The following PDE8B variants were observed in gnomAD, a reference collection of about 807,000 sequenced individuals.
PDE8B encodes the protein high affinity cAMP-specific and IBMX-insensitive 3',5'-cyclic phosphodiesterase 8B.
A neutral mutation model predicts 101.3 loss-of-function variants in PDE8B; 26 were observed. The ratio of observed to expected loss-of-function variants is 0.26; its 90% CI spans 0.19 to 0.36. PDE8B has a LOEUF of 0.36. Ranked by LOEUF, PDE8B falls within the 10% of genes least tolerant of loss-of-function variation. PDE8B has a pLI of 1.00. For synonymous variants in PDE8B, 424 were observed against 429.3 expected, an observed-to-expected ratio of 0.99 and a Z score of 0.15; for missense variants, 810 against 1,163.1, an observed-to-expected ratio of 0.70 and a Z score of 4.42.
chr5:77,422,120 C>T, intron 20 of PDE8B, 132 bp downstream of exon 20: 1 of 979,740 alleles, frequency 1.0e-6, no homozygotes, highest in Non-Finnish European at 1.6e-6. Flanking sequence ...AAGAAAGCAG[C>T]TTACCCCCAC....
the PDE8B span, among the ~76,000 whole-genome samples, chr5:77,179,851 G>A: frequency 3.9e-5 from 6 of 152,088 alleles, no homozygotes; most frequent in South Asian, 1.0e-3. Context: ...CTGAGCCACC[G>A]CGCCCAGGAG....
At chr5:77,124,980 C>T in the PDE8B span, among the ~76,000 whole-genome samples, 7 of 152,038 alleles carry the variant, frequency 4.6e-5, no homozygotes, top group African/African-American at 1.7e-4. Context: ...AGGATTTTCA[C>T]GTTGTTTTGT....
intron 7 of PDE8B, among the ~76,000 whole-genome samples, chr5:77,348,007 T>G (rs1780453141): frequency 6.6e-6 from 1 of 152,082 alleles, no homozygotes; most frequent in Non-Finnish European, 1.5e-5. Flanking sequence ...TGGAGATCCA[T>G]GAAGACAATA....
At chr5:77,180,540 G>A in the PDE8B span, 630 of 959,928 alleles carry the variant, frequency 6.6e-4, 2 homozygotes, top group African/African-American at 7.9e-3. Flanking sequence ...CTCACACCTG[G>A]GTACCCGGCC....
the PDE8B span, among the ~76,000 whole-genome samples, chr5:77,129,337 C>T: frequency 2.0e-5 from 3 of 152,036 alleles, no homozygotes; most frequent in Admixed American, 6.6e-5. Flanking sequence ...AATAAATCCC[C>T]GTGTCCCCAT....
chr5:77,254,452 T>G (rs1182035831), intron 1 of PDE8B, among the ~76,000 whole-genome samples: 2 of 152,180 alleles, frequency 1.3e-5, no homozygotes, highest in Non-Finnish European at 2.9e-5. Context: ...GATTCCCATC[T>G]CTAATGGGTT....
At chr5:77,360,193 A>G in intron 10 of PDE8B, among the ~76,000 whole-genome samples, 1 of 152,188 alleles carries the variant, frequency 6.6e-6, no homozygotes, top group East Asian at 1.9e-4. Context: ...ATTCATCTCT[A>G]ATGCATTGAA....
the PDE8B span, among the ~76,000 whole-genome samples, chr5:77,102,350 T>C: frequency 1.3e-5 from 2 of 152,182 alleles, no homozygotes; most frequent in Admixed American, 6.5e-5. Flanking sequence ...ATAGTTTCCC[T>C]AGGGTAATGG....
intron 19 of PDE8B, among the ~76,000 whole-genome samples, chr5:77,420,898 A>G (rs1003651233): frequency 3.9e-5 from 6 of 152,246 alleles, no homozygotes; most frequent in African/African-American, 1.4e-4. Flanking sequence ...CCTCCAGAAC[A>G]TATTCTGCCC....
At chr5:77,143,115 A>G in the PDE8B span, among the ~76,000 whole-genome samples, 2 of 152,096 alleles carry the variant, frequency 1.3e-5, no homozygotes, top group Admixed American at 6.5e-5. Flanking sequence ...GTGAGAAGAC[A>G]CCCAAAGTTA....
chr5:77,097,730 T>TATATATATATAC, the PDE8B span, among the ~76,000 whole-genome samples: 1 of 64,796 alleles, frequency 1.5e-5, no homozygotes, highest in East Asian at 5.2e-4. Context: ...TATATATATA[T>TATATATATATAC]ATACATACAT....
chr5:77,266,336 T>G (rs974789391), intron 1 of PDE8B, among the ~76,000 whole-genome samples: 1 of 152,220 alleles, frequency 6.6e-6, no homozygotes, highest in Non-Finnish European at 1.5e-5. Flanking sequence ...TGTCCTTTTC[T>G]CACACATGGC....
At chr5:77,117,928 T>C in the PDE8B span, among the ~76,000 whole-genome samples, 7 of 152,132 alleles carry the variant, frequency 4.6e-5, no homozygotes, top group Admixed American at 2.6e-4. Context: ...GTTTTTTGTT[T>C]TTTTGGTGGT....
intron 1 of PDE8B, among the ~76,000 whole-genome samples, chr5:77,294,346 C>A (rs1768048420): frequency 6.6e-6 from 1 of 152,194 alleles, no homozygotes; most frequent in South Asian, 2.1e-4. Flanking sequence ...CTTCTCTCAA[C>A]ACTTGTCCCA....
intron 10 of PDE8B, among the ~76,000 whole-genome samples, chr5:77,389,577 A>T (rs1447085188): frequency 3.3e-5 from 5 of 152,090 alleles, no homozygotes; most frequent in Admixed American, 1.3e-4. Flanking sequence ...CTGGAACCTT[A>T]TCCCCATCAC....
At chr5:77,199,068 G>C in the PDE8B span, among the ~76,000 whole-genome samples, 309 of 152,268 alleles carry the variant, frequency 2.0e-3, no homozygotes, top group Non-Finnish European at 3.7e-3. Context: ...TTCCAGGGGA[G>C]TTTCTAAGTC....
chr5:77,314,520 A>G (rs903697041), intron 2 of PDE8B, among the ~76,000 whole-genome samples: 2 of 152,112 alleles, frequency 1.3e-5, no homozygotes, highest in Non-Finnish European at 2.9e-5. Flanking sequence ...CCAGTCTATG[A>G]CCATGAAATA....
intron 1 of PDE8B, among the ~76,000 whole-genome samples, chr5:77,292,681 T>G (rs770999214): frequency 1.8e-4 from 27 of 152,258 alleles, no homozygotes; most frequent in Non-Finnish European, 2.9e-5. Flanking sequence ...TGAGCATTGC[T>G]TGTCCTTTTC....
chr5:77,100,261 C>T, the PDE8B span: 2 of 152,088 alleles, frequency 1.3e-5, no homozygotes, highest in Non-Finnish European at 2.9e-5. Flanking sequence ...CATAAAGGCC[C>T]GTAGTGTACT....
Sources: allele counts gnomAD v4.1 joint callset (sites outside exome capture counted in the v4.1 genomes callset), GRCh38; gene constraint gnomAD v4.1.1; transcripts MANE v1.5; gene names NCBI Gene and HGNC (gene_info 2026-07-23, HGNC 2026-07-21).